Variants in RBM19 observed in about 807,000 individuals in gnomAD.
RBM19 encodes RNA binding motif protein 19, also known as probable RNA-binding protein 19.
RBM19 carries 94 observed loss-of-function variants against 116.8 expected under a neutral mutation model. The ratio of observed to expected loss-of-function variants is 0.80; its 90% CI spans 0.68 to 0.95. The LOEUF is 0.95. Among genes scored for constraint, RBM19 ranks in the 40% least tolerant of loss-of-function variants. The pLI is 0.00. For missense variants in RBM19, 1,161 were observed against 1,220.7 expected, an observed-to-expected ratio of 0.95 and a Z score of 0.73; for synonymous variants, 475 against 494.1, an observed-to-expected ratio of 0.96 and a Z score of 0.51.
At chr12:113,889,532 C>A (rs1484826658) in intron 21 of RBM19, among the ~76,000 whole-genome samples, 3 of 152,202 alleles carry the variant, frequency 2.0e-5, no homozygotes, top group Non-Finnish European at 2.9e-5. Flanking sequence ...CATTCTCCTG[C>A]AGTCACTCTG....
rs1216765469 is a variant in RBM19, at chr12:113,919,133, C to T, written c.2386-686G>A. ...GTACACAGCCCCTGACCAGGAAGGG[C>T]CTAGGATGTGGGGCATTATGAAGGG... On this transcript the variant is annotated intron_variant, in intron 19 of 23. Transcript: ENST00000261741. Among the ~76,000 whole-genome samples the T allele has an allele frequency of 4.6e-5, 7 of 152,298 alleles. No homozygotes were observed. In the South Asian group the frequency reaches 1.5e-3, roughly 32 times the overall value.
chr12:113,936,892 C>A, intron 16 of RBM19, 115 bp downstream of exon 16: 1 of 1,386,684 alleles, frequency 7.2e-7, no homozygotes, highest in Non-Finnish European at 9.8e-7. Flanking sequence ...TGGTCTCTAG[C>A]ATGAACAAAG....
chr12:113,851,197 T>G (rs1416802503), intron 22 of RBM19, among the ~76,000 whole-genome samples: 1 of 152,144 alleles, frequency 6.6e-6, no homozygotes, highest in Non-Finnish European at 1.5e-5. Flanking sequence ...AATGACACCA[T>G]GGAGCTGAGG....
chr12:113,917,988 C>T (rs778881550), intron 20 of RBM19, among the ~76,000 whole-genome samples: 3 of 152,202 alleles, frequency 2.0e-5, no homozygotes, highest in Admixed American at 6.5e-5. Context: ...TAAGAAAGCA[C>T]GTCCCATAAA....
At chr12:113,944,910 C>CAT (rs1566033929) in intron 13 of RBM19, among the ~76,000 whole-genome samples, 14 of 151,628 alleles carry the variant, frequency 9.2e-5, no homozygotes, top group Admixed American at 2.6e-4. Flanking sequence ...CACACACACA[C>CAT]CCCTACTTGA....
chr12:113,837,246 T>TACACACACACACAG (rs71443061), intron 23 of RBM19, among the ~76,000 whole-genome samples: 1 of 126,806 alleles, frequency 7.9e-6, no homozygotes, highest in African/African-American at 3.1e-5. Flanking sequence ...ATCCTCCTAA[T>TACACACACACACAG]ACACACACAC....
chr12:113,840,034 G>A (rs1876327375), intron 23 of RBM19, among the ~76,000 whole-genome samples: 1 of 151,384 alleles, frequency 6.6e-6, no homozygotes, highest in Non-Finnish European at 1.5e-5. Flanking sequence ...TCCCTCTGAG[G>A]CCAGCCATAC....
chr12:113,924,676 T>C (rs1282862304), intron 18 of RBM19, 21 bp downstream of exon 18: 1 of 1,526,910 alleles, frequency 6.5e-7, no homozygotes, highest in Non-Finnish European at 9.1e-7. Flanking sequence ...CTGAACACTT[T>C]CCGAATTTCA....
intron 16 of RBM19, among the ~76,000 whole-genome samples, chr12:113,934,325 T>G (rs906214359): frequency 6.6e-6 from 1 of 152,250 alleles, no homozygotes; most frequent in Non-Finnish European, 1.5e-5. Context: ...ATGCCCGTTT[T>G]ACAGATATGG....
chr12:113,941,618 A>C (rs1391385936), intron 14 of RBM19, among the ~76,000 whole-genome samples: 2 of 120,696 alleles, frequency 1.7e-5, no homozygotes, highest in African/African-American at 4.2e-5. Flanking sequence ...TCCAACCATC[A>C]AGCCATCCAT....
chr12:113,865,394 G>A lies in RBM19; in HGVS notation c.2559-6498C>T, dbSNP rs148369184. Reference sequence around the variant, plus strand: ...TTGCCTCCTTTGCACACCCACCCCTGCCTGTCACATCTGAGCACTGTCTGA... The same window carrying A: ...TTGCCTCCTTTGCACACCCACCCCTACCTGTCACATCTGAGCACTGTCTGA... On this transcript the variant is annotated intron_variant, in intron 21 of 23. Coordinates refer to ENST00000261741, the MANE Select transcript of RBM19 (RefSeq NM_016196.4). Among the ~76,000 whole-genome samples, 21 of 152,172 alleles carry A rather than the reference G, an allele frequency of 1.4e-4. No homozygotes were observed. In the East Asian group the frequency reaches 2.7e-3, roughly 20 times the overall value.
intron 21 of RBM19, among the ~76,000 whole-genome samples, chr12:113,878,843 A>G (rs75855657): frequency 0.015 from 1,532 of 100,416 alleles, 12 homozygotes; most frequent in South Asian, 0.069. Flanking sequence ...AAAAAAAAAA[A>G]GGGGGGGGTG....
intron 14 of RBM19, 113 bp from the exon 15 acceptor site, chr12:113,940,273 C>A: frequency 1.8e-6 from 2 of 1,108,400 alleles, no homozygotes; most frequent in Non-Finnish European, 2.6e-6. Context: ...GGAACCTCAG[C>A]AACCAGGCAC....
intron 16 of RBM19, 35 bp downstream of exon 16, chr12:113,936,971 AT>A: frequency 6.2e-7 from 1 of 1,606,108 alleles, no homozygotes; most frequent in Non-Finnish European, 8.5e-7. Context: ...CCTCACCAGG[AT>A]CCCAAGCCAT....
At chr12:113,824,874 A>T (rs1326275566) in intron 23 of RBM19, among the ~76,000 whole-genome samples, 1 of 151,536 alleles carries the variant, frequency 6.6e-6, no homozygotes, top group Non-Finnish European at 1.5e-5. Flanking sequence ...CCACCAAGGG[A>T]TCCCTCTAAA....
chr12:113,851,567 A>G (rs1241287310), intron 22 of RBM19, among the ~76,000 whole-genome samples: 1 of 152,056 alleles, frequency 6.6e-6, no homozygotes, highest in Non-Finnish European at 1.5e-5. Flanking sequence ...TGCTTTCAAT[A>G]AACTTCTCTG....
chr12:113,953,476 G>A (rs908301134), intron 7 of RBM19, among the ~76,000 whole-genome samples: 6 of 152,154 alleles, frequency 3.9e-5, no homozygotes, highest in Non-Finnish European at 5.9e-5. Flanking sequence ...AGATAAGAGC[G>A]AAACTCTGTC....
intron 16 of RBM19, among the ~76,000 whole-genome samples, chr12:113,927,896 G>A (rs911786138): frequency 6.6e-5 from 10 of 152,162 alleles, no homozygotes; most frequent in Non-Finnish European, 1.0e-4. Flanking sequence ...ACCACCAAAA[G>A]CTGGAAAAAT....
chr12:113,829,938 G>T (rs1177963455), intron 23 of RBM19, among the ~76,000 whole-genome samples: 2 of 152,246 alleles, frequency 1.3e-5, no homozygotes, highest in Admixed American at 1.3e-4. Context: ...TCAGGCGCCT[G>T]CTGGCTCTAA....
Sources: gnomAD v4.1 joint callset for allele counts (sites outside exome capture counted in the v4.1 genomes callset) on GRCh38, gnomAD v4.1.1 for gene constraint, MANE v1.5 for transcripts, NCBI Gene and HGNC (gene_info 2026-07-23, HGNC 2026-07-21) for gene names.